TRAK1: variants seen among roughly 807,000 people sequenced by gnomAD.
TRAK1 encodes trafficking kinesin protein 1.
TRAK1 carries 33 observed loss-of-function variants against 92.1 expected under a neutral mutation model. That is an observed-to-expected ratio of 0.36 (90% confidence interval 0.27 to 0.48). The LOEUF (loss-of-function observed/expected upper bound fraction) is 0.48, where lower values mean the gene tolerates loss of function less well. Among genes scored for constraint, TRAK1 ranks in the 20% least tolerant of loss-of-function variants. The pLI is 0.99. For synonymous variants in TRAK1, 521 were observed against 517.3 expected (o/e 1.01, Z -0.10); for missense variants, 1,123 against 1,257.9 (o/e 0.89, Z 1.62).
At chr3:42,213,282 C>T (rs1577046706) in intron 14 of TRAK1, among the ~76,000 whole-genome samples, 3 of 152,120 alleles carry the variant, frequency 2.0e-5, no homozygotes. Flanking sequence ...GTCTCGAATT[C>T]CTGGCTTCAA....
chr3:42,115,539 G>A (rs1161440661), intron 1 of TRAK1, among the ~76,000 whole-genome samples: 3 of 152,192 alleles, frequency 2.0e-5, no homozygotes, highest in Non-Finnish European at 4.4e-5. Flanking sequence ...AACTCGGTAC[G>A]TGACACCAGG....
chr3:42,044,997 G>A (rs1049625177), intron 1 of TRAK1, among the ~76,000 whole-genome samples: 1 of 152,048 alleles, frequency 6.6e-6, no homozygotes, highest in Non-Finnish European at 1.5e-5. Context: ...TCAGGAAATT[G>A]GATGTGGCAA....
intron 1 of TRAK1, among the ~76,000 whole-genome samples, chr3:42,022,358 T>C (rs558379209): frequency 1.3e-5 from 2 of 152,310 alleles, no homozygotes; most frequent in African/African-American, 4.8e-5. Context: ...ATTGGTAAAA[T>C]AGACTAAAAC....
intron 1 of TRAK1, among the ~76,000 whole-genome samples, chr3:42,015,347 G>C (rs139671338): frequency 2.0e-5 from 3 of 152,250 alleles, no homozygotes; most frequent in Non-Finnish European, 4.4e-5. Flanking sequence ...TTGGGTTTCA[G>C]CTTGGCCCCA....
chr3:42,191,117 C>T (rs760551206), intron 6 of TRAK1, among the ~76,000 whole-genome samples: 1 of 152,178 alleles, frequency 6.6e-6, no homozygotes, highest in Non-Finnish European at 1.5e-5. Context: ...ATGTTCAGTG[C>T]CTGGCACATA....
chr3:42,020,671 A>G (rs1020163177), intron 1 of TRAK1, among the ~76,000 whole-genome samples: 2 of 152,218 alleles, frequency 1.3e-5, no homozygotes, highest in African/African-American at 4.8e-5. Context: ...GGGTCATAAG[A>G]CATATGTTCA....
chr3:42,163,180 C>T (rs1340729043), intron 2 of TRAK1, among the ~76,000 whole-genome samples: 1 of 152,188 alleles, frequency 6.6e-6, no homozygotes, highest in Non-Finnish European at 1.5e-5. Flanking sequence ...TTTAGAATGG[C>T]TGTAGAACTC....
intron 1 of TRAK1, among the ~76,000 whole-genome samples, chr3:42,123,757 G>A (rs987477295): frequency 8.6e-5 from 13 of 151,800 alleles, no homozygotes; most frequent in African/African-American, 3.1e-4. Context: ...GAGGGATGGA[G>A]ACTGAAGAGT....
chr3:42,136,836 C>T (rs866248328), intron 2 of TRAK1, among the ~76,000 whole-genome samples: 5 of 152,046 alleles, frequency 3.3e-5, no homozygotes, highest in Non-Finnish European at 5.9e-5. Flanking sequence ...GCACATGACA[C>T]CACACCAGGC....
chr3:42,100,297 G>A (rs147806653), intron 1 of TRAK1, among the ~76,000 whole-genome samples: 3 of 152,288 alleles, frequency 2.0e-5, no homozygotes, highest in African/African-American at 7.2e-5. Flanking sequence ...AGCCCAGGGT[G>A]TAGAGGCCAC....
intron 1 of TRAK1, among the ~76,000 whole-genome samples, chr3:42,032,465 G>A (rs17066958): frequency 0.21 from 31,482 of 148,886 alleles, 5,239 homozygotes; most frequent in African/African-American, 0.47. Context: ...AAATACACCC[G>A]GAGTGGGTCA....
chr3:42,155,182 A>T (rs1700404317), intron 2 of TRAK1, among the ~76,000 whole-genome samples: 1 of 152,076 alleles, frequency 6.6e-6, no homozygotes, highest in African/African-American at 2.4e-5. Flanking sequence ...AAGGTGAGAC[A>T]AAGGAAAACG....
intron 14 of TRAK1, among the ~76,000 whole-genome samples, chr3:42,213,577 G>C (rs1463838143): frequency 6.6e-6 from 1 of 152,230 alleles, no homozygotes; most frequent in Non-Finnish European, 1.5e-5. Context: ...GGAGCCAGGC[G>C]GAGTCAGGCC....
intron 1 of TRAK1, among the ~76,000 whole-genome samples, chr3:42,046,028 T>G (rs1012320329): frequency 1.3e-5 from 2 of 152,208 alleles, no homozygotes; most frequent in African/African-American, 4.8e-5. Flanking sequence ...CTTTGGATAA[T>G]TGAGCAATTC....
upstream of TRAK1, among the ~76,000 whole-genome samples, chr3:42,089,622 C>G (rs898400574): frequency 2.0e-5 from 3 of 151,792 alleles, no homozygotes; most frequent in African/African-American, 7.3e-5. Context: ...TCCAGATATC[C>G]TTATGACCCC....
At chr3:42,169,764 C>T (rs1331842488) in intron 2 of TRAK1, among the ~76,000 whole-genome samples, 1 of 152,078 alleles carries the variant, frequency 6.6e-6, no homozygotes, top group African/African-American at 2.4e-5. Flanking sequence ...TAAGCTGAGT[C>T]ACAACAGCCA....
chr3:42,220,195 C>T (rs991978048), intron 15 of TRAK1, among the ~76,000 whole-genome samples: 3 of 152,144 alleles, frequency 2.0e-5, no homozygotes, highest in African/African-American at 7.2e-5. Context: ...CCATGCAGCA[C>T]AGCCAAACGG....
At chr3:42,166,494 C>T (rs1293645361) in intron 2 of TRAK1, among the ~76,000 whole-genome samples, 1 of 152,200 alleles carries the variant, frequency 6.6e-6, no homozygotes, top group Non-Finnish European at 1.5e-5. Context: ...TTGTGTCTCT[C>T]TCGACCTTGG....
intron 1 of TRAK1, among the ~76,000 whole-genome samples, chr3:42,027,266 G>A (rs758479766): frequency 2.2e-4 from 33 of 152,204 alleles, no homozygotes; most frequent in Admixed American, 1.4e-3. Context: ...GCTCACGCCT[G>A]TAATCCCAGC....
Sources: allele counts gnomAD v4.1 joint callset (sites outside exome capture counted in the v4.1 genomes callset), GRCh38; gene constraint gnomAD v4.1.1; transcripts MANE v1.5; gene names NCBI Gene and HGNC (gene_info 2026-07-23, HGNC 2026-07-21).